The following ZNF804B variants were observed in gnomAD, a reference collection of about 807,000 sequenced individuals.
ZNF804B encodes the protein zinc finger protein 804B.
A neutral mutation model predicts 101.4 loss-of-function variants in ZNF804B; 80 were observed. That is an observed-to-expected ratio of 0.79 (90% CI 0.66 to 0.95). The LOEUF is 0.95. Among genes scored for constraint, ZNF804B ranks in the 40% least tolerant of loss-of-function variants. The pLI is 0.00. For missense variants in ZNF804B, 1,673 were observed against 1,561.9 expected (o/e 1.07, Z -1.20); for synonymous variants, 622 against 558.8 (o/e 1.11, Z -1.59).
chr7:89,007,444 TTTTATATATATATATATATATATATA>T (rs1452306449), intron 1 of ZNF804B, among the ~76,000 whole-genome samples: 2 of 47,712 alleles, frequency 4.2e-5, no homozygotes, highest in African/African-American at 2.0e-4. Context: ...TTATCCATGA[TTTTATATATATATATATATATATATA>T]TATATATATA....
At position 89,062,805 on chromosome 7, in the gene ZNF804B, A is replaced by G. The variant is rs115400052; in HGVS notation, c.109-155350A>G. The stretch of plus-strand genomic sequence containing the variant: ...ATTCAAAGTGACAGGTAATTCCTAC[A>G]TACTTATTTATATTTGTATGCTTTT... On this transcript the variant is annotated intron_variant, in intron 1 of 3. Transcript: ENST00000333190. 4.6e-3 allele frequency among the ~76,000 whole-genome samples: 704 copies of G among 152,242 alleles called. 6 individuals are homozygous for G. The highest frequency in any genetic ancestry group is 0.016 in the African/African-American group (668 of 41,566).
At chr7:88,827,943 C>T (rs889235909) in intron 1 of ZNF804B, among the ~76,000 whole-genome samples, 2 of 152,148 alleles carry the variant, frequency 1.3e-5, no homozygotes, top group Non-Finnish European at 2.9e-5. Context: ...TCTATCTCTG[C>T]TGCATGATTG....
intron 1 of ZNF804B, among the ~76,000 whole-genome samples, chr7:88,927,272 G>A (rs1397546260): frequency 6.6e-6 from 1 of 152,034 alleles, no homozygotes; most frequent in African/African-American, 2.4e-5. Context: ...AAATGAAGAT[G>A]TTTTTCAAAA....
intron 1 of ZNF804B, among the ~76,000 whole-genome samples, chr7:88,893,028 T>C (rs1446686914): frequency 6.6e-6 from 1 of 152,070 alleles, no homozygotes; most frequent in Non-Finnish European, 1.5e-5. Flanking sequence ...TTGTGGGGGC[T>C]TGTATGGGGT....
rs1006635547 is a variant in ZNF804B at position 88,964,401 on chromosome 7, C to T, written c.108+204317C>T. 4.0e-5 allele frequency among the ~76,000 whole-genome samples: 6 copies of T among 151,380 alleles called. No individual in the cohort carries two copies. In the South Asian group the frequency reaches 1.0e-3, roughly 26 times the overall value. On this transcript the variant is annotated intron_variant, in intron 1 of 3. Coordinates refer to ENST00000333190, the MANE Select transcript of ZNF804B (RefSeq NM_181646.5). ...ACATGGGTGAACCTGGAAAACATTA[C>T]GCTAAGTGAAGTAAGCTGCACACAA...
At chr7:89,100,941 TGTATGTGTATATACACAG>T (rs1345565889) in intron 1 of ZNF804B, among the ~76,000 whole-genome samples, 4 of 152,064 alleles carry the variant, frequency 2.6e-5, no homozygotes, top group African/African-American at 2.4e-5. Flanking sequence ...TGTGTCTGTG[TGTATGTGTATATACACAG>T]GTATGTATAT....
At chr7:89,127,609 A>G (rs1790492770) in intron 1 of ZNF804B, among the ~76,000 whole-genome samples, 1 of 151,838 alleles carries the variant, frequency 6.6e-6, no homozygotes, top group Non-Finnish European at 1.5e-5. Flanking sequence ...TAAGAAAAGA[A>G]AAATGTAAGC....
intron 1 of ZNF804B, among the ~76,000 whole-genome samples, chr7:88,987,507 G>A (rs1221234951): frequency 6.6e-6 from 1 of 151,938 alleles, no homozygotes; most frequent in Non-Finnish European, 1.5e-5. Flanking sequence ...TTTTCCCCAG[G>A]AACTTAAAGT....
At chr7:88,890,173 T>G (rs1792194484) in intron 1 of ZNF804B, among the ~76,000 whole-genome samples, 1 of 152,156 alleles carries the variant, frequency 6.6e-6, no homozygotes, top group South Asian at 2.1e-4. Flanking sequence ...TAATAACACC[T>G]TCACATAAGT....
intron 1 of ZNF804B, among the ~76,000 whole-genome samples, chr7:89,213,218 CCAAAA>C (rs1788831867): frequency 1.3e-5 from 2 of 152,058 alleles, no homozygotes; most frequent in Non-Finnish European, 2.9e-5. Flanking sequence ...ATGATGGATG[CCAAAA>C]GAGTGTTCTG....
intron 1 of ZNF804B, among the ~76,000 whole-genome samples, chr7:88,838,574 T>A (rs1791249720): frequency 6.6e-6 from 1 of 151,988 alleles, no homozygotes; most frequent in African/African-American, 2.4e-5. Context: ...ACCTATACTA[T>A]TAAGTAGATT....
At chr7:88,907,443 A>G (rs960536096) in intron 1 of ZNF804B, among the ~76,000 whole-genome samples, 7 of 152,202 alleles carry the variant, frequency 4.6e-5, no homozygotes, top group African/African-American at 7.2e-5. Context: ...TAGTTTTTGT[A>G]TAATTAAATA....
At chr7:89,249,029 T>TAAAAAAAAAAAAAAAA (rs58553222) in intron 2 of ZNF804B, among the ~76,000 whole-genome samples, 1 of 119,234 alleles carries the variant, frequency 8.4e-6, no homozygotes. Context: ...CCAATAACAG[T>TAAAAAAAAAAAAAAAA]AAAAAAAAAA....
intron 1 of ZNF804B, among the ~76,000 whole-genome samples, chr7:88,928,499 G>A (rs1792838273): frequency 6.6e-6 from 1 of 152,144 alleles, no homozygotes; most frequent in African/African-American, 2.4e-5. Flanking sequence ...ACCCTGGGGT[G>A]AGAAAAGCCC....
intron 1 of ZNF804B, among the ~76,000 whole-genome samples, chr7:89,098,630 AAAC>A (rs957285673): frequency 3.3e-5 from 5 of 152,138 alleles, no homozygotes; most frequent in African/African-American, 9.7e-5. Flanking sequence ...ACAAAGAAAC[AAAC>A]AAAAAACAAT....
At chr7:88,929,832 T>G (rs1023588971) in intron 1 of ZNF804B, among the ~76,000 whole-genome samples, 1 of 151,972 alleles carries the variant, frequency 6.6e-6, no homozygotes, top group African/African-American at 2.4e-5. Flanking sequence ...GAGATTTAGT[T>G]TATAAAAAAT....
At chr7:89,010,992 T>G (rs1333405551) in intron 1 of ZNF804B, among the ~76,000 whole-genome samples, 1 of 152,194 alleles carries the variant, frequency 6.6e-6, no homozygotes, top group Non-Finnish European at 1.5e-5. Flanking sequence ...CTCATGCTGC[T>G]ATGAAGAAAT....
rs1054434393 is a variant in ZNF804B, at chr7:88,812,949, C to CA, written c.108+52877dup. On this transcript the variant is annotated intron_variant, in intron 1 of 3. Coordinates refer to ENST00000333190, the MANE Select transcript of ZNF804B (RefSeq NM_181646.5). ...TAATGGATATAACATTTCTATTTTG[C>CA]AAAAAAAAAAAAGTTCTGGAGATGT... Among the ~76,000 whole-genome samples, 128 of 129,656 alleles carry CA rather than the reference C, an allele frequency of 9.9e-4. 1 individual carries two copies. The highest frequency in any genetic ancestry group is 1.7e-3 in the South Asian group (7 of 4,124). The allele number at this position is 129,656 out of a possible 152,430, so 85.1% of individuals were successfully genotyped here. A position where few individuals can be genotyped will look rare whatever the true frequency, so the allele number is the denominator to read the frequency against.
chr7:89,179,478 G>A (rs7791158), intron 1 of ZNF804B, among the ~76,000 whole-genome samples: 6,485 of 152,018 alleles, frequency 0.043, 145 homozygotes, highest in Middle Eastern at 0.11. Flanking sequence ...CCAGAATTTG[G>A]TTGATTTTTT....
Sources: gnomAD v4.1 joint callset for allele counts (sites outside exome capture counted in the v4.1 genomes callset) on GRCh38, gnomAD v4.1.1 for gene constraint, MANE v1.5 for transcripts, NCBI Gene and HGNC (gene_info 2026-07-23, HGNC 2026-07-21) for gene names.